The following ZNF362 variants were observed in gnomAD, a reference collection of about 807,000 sequenced individuals.
ZNF362 encodes zinc finger protein 362.
ZNF362 carries 11 observed loss-of-function variants against 42.9 expected under a neutral mutation model. The observed-to-expected ratio is 0.26, with a 90% CI of 0.16 to 0.42. ZNF362 has a LOEUF of 0.42. ZNF362 is among the 20% of genes least tolerant of loss of function. The pLI, the probability that ZNF362 is intolerant of heterozygous loss-of-function variation, is 1.00. For missense variants in ZNF362, 362 were observed against 576.2 expected (o/e 0.63, Z 3.81); for synonymous variants, 255 against 257.3 (o/e 0.99, Z 0.09).
At chr1:33,202,133 C>T in the ZNF362 span, among the ~76,000 whole-genome samples, 1 of 152,328 alleles carries the variant, frequency 6.6e-6, no homozygotes, top group East Asian at 1.9e-4. Flanking sequence ...AAAAGCCTTT[C>T]CATAAATAAA....
the ZNF362 span, among the ~76,000 whole-genome samples, chr1:33,137,459 C>T: frequency 3.6e-3 from 543 of 152,248 alleles, 5 homozygotes; most frequent in African/African-American, 0.012. Flanking sequence ...AATCATGAGG[C>T]GTACAGGGAC....
chr1:33,159,788 G>A, the ZNF362 span: 1 of 1,613,840 alleles, frequency 6.2e-7, no homozygotes, highest in South Asian at 1.1e-5. This position sits in a 1 kb window ranked among gnomAD's most constrained non-coding sequence, Gnocchi z 4.2. Flanking sequence ...TTGCGCAGCT[G>A]CTGGCTGTAG....
chr1:33,180,974 C>T, the ZNF362 span: 1 of 574,542 alleles, frequency 1.7e-6, no homozygotes, highest in Non-Finnish European at 2.9e-6. Context: ...CCCGCCCGGC[C>T]CCACCTCCAG....
At chr1:33,178,084 T>G in the ZNF362 span, among the ~76,000 whole-genome samples, 1 of 152,152 alleles carries the variant, frequency 6.6e-6, no homozygotes, top group Non-Finnish European at 1.5e-5. Context: ...AGGTAGGGTG[T>G]TGGGAGACTC....
At chr1:33,176,680 T>C in the ZNF362 span, 1 of 409,658 alleles carries the variant, frequency 2.4e-6, no homozygotes. Flanking sequence ...TGGGAGACAA[T>C]TACCCAGCCC....
the ZNF362 span, among the ~76,000 whole-genome samples, chr1:33,136,118 CCTTCCTT>C: frequency 3.0e-5 from 1 of 33,070 alleles, no homozygotes; most frequent in South Asian, 1.8e-3. Flanking sequence ...GCCAGCCCTT[CCTTCCTT>C]CCTTCCTTCC....
At chr1:33,218,196 T>G in the ZNF362 span, among the ~76,000 whole-genome samples, 37 of 152,276 alleles carry the variant, frequency 2.4e-4, no homozygotes, top group African/African-American at 7.9e-4. Context: ...AATCCAGCAC[T>G]TTGGAAGGCC....
chr1:33,129,258 C>T, the ZNF362 span, among the ~76,000 whole-genome samples: 1 of 152,176 alleles, frequency 6.6e-6, no homozygotes, highest in East Asian at 1.9e-4. The surrounding 1 kb of genome is among the most constrained non-coding windows in gnomAD (Gnocchi z 4.1). Context: ...GTTAAAGTTA[C>T]TTATGGGTTG....
chr1:33,276,303 G>T, intron 3 of ZNF362, 45 bp from the exon 4 acceptor site: 1 of 1,539,358 alleles, frequency 6.5e-7, no homozygotes. Flanking sequence ...GGCAAGGGGC[G>T]GGAGGTGGTC....
chr1:33,298,885 C>A, intron 8 of ZNF362, 45 bp from the exon 9 acceptor site: 1 of 1,546,758 alleles, frequency 6.5e-7, no homozygotes, highest in Non-Finnish European at 8.9e-7. Flanking sequence ...TCTTCTCCCT[C>A]CCTTGCTGGT....
At chr1:33,261,999 TGGG>T (rs1313888024) in intron 1 of ZNF362, among the ~76,000 whole-genome samples, 1 of 152,096 alleles carries the variant, frequency 6.6e-6, no homozygotes, top group East Asian at 1.9e-4. Flanking sequence ...GCCTGGCACT[TGGG>T]GGGAGATTGA....
chr1:33,149,610 A>G, the ZNF362 span, among the ~76,000 whole-genome samples: 1 of 151,002 alleles, frequency 6.6e-6, no homozygotes, highest in Non-Finnish European at 1.5e-5. Flanking sequence ...ATGCATCACT[A>G]TGCGCAGCTA....
upstream of ZNF362, among the ~76,000 whole-genome samples, chr1:33,252,639 G>A (rs1406303406): frequency 6.6e-6 from 1 of 152,186 alleles, no homozygotes; most frequent in Non-Finnish European, 1.5e-5. Flanking sequence ...CAGAGCTGGG[G>A]TCTTCCTCAC....
chr1:33,251,037 G>A, the ZNF362 span, among the ~76,000 whole-genome samples: 2 of 152,160 alleles, frequency 1.3e-5, no homozygotes, highest in Non-Finnish European at 2.9e-5. Context: ...GAGAGGAGCT[G>A]AAAGAAGTAT....
the ZNF362 span, chr1:33,142,990 T>G: frequency 6.6e-6 from 1 of 152,204 alleles, no homozygotes; most frequent in Non-Finnish European, 1.5e-5. Context: ...AAATGGGGGC[T>G]CCAAATGGGG....
At chr1:33,198,181 A>T in the ZNF362 span, among the ~76,000 whole-genome samples, 1 of 152,212 alleles carries the variant, frequency 6.6e-6, no homozygotes, top group Admixed American at 6.5e-5. Context: ...TTACCAGGCA[A>T]GTGAAAGTGC....
At chr1:33,246,310 C>T in the ZNF362 span, among the ~76,000 whole-genome samples, 2 of 152,150 alleles carry the variant, frequency 1.3e-5, no homozygotes, top group Non-Finnish European at 2.9e-5. Flanking sequence ...CATGGGATGT[C>T]TGTTCTCTTG....
the ZNF362 span, among the ~76,000 whole-genome samples, chr1:33,238,268 G>C: frequency 6.6e-6 from 1 of 150,598 alleles, no homozygotes. Context: ...GCAGTGAGCT[G>C]AGATCGCACC....
At position 33,280,188 on chromosome 1, in the gene ZNF362, G is replaced by A. The variant is rs780087741; in HGVS notation, c.414G>A (p.Thr138=). The change falls in exon 5 of 9, where the codon ACG becomes ACA. Residue 138 remains threonine (T), a synonymous_variant. Coordinates refer to ENST00000539719, the MANE Select transcript of ZNF362 (RefSeq NM_152493.3). This position sits in a 1 kb window ranked among gnomAD's most constrained non-coding sequence, Gnocchi z 5.6. ...CTGAGTCAAGCGCGGGCGCGGGCACGGGCACGGGTACCAGCACCCCGTCCA... is the reference window on the plus strand; with the variant it reads ...CTGAGTCAAGCGCGGGCGCGGGCACAGGCACGGGTACCAGCACCCCGTCCA... ...STSESSAGAG[T]GTGTSTPSTP... The A allele has an allele frequency of 1.1e-5, 17 of 1,612,742 alleles. No individual in the cohort carries two copies. The highest frequency in any genetic ancestry group is 1.4e-5 in the Non-Finnish European group (17 of 1,179,192).
Sources: allele counts gnomAD v4.1 joint callset (sites outside exome capture counted in the v4.1 genomes callset), GRCh38; gene constraint gnomAD v4.1.1; non-coding constraint Gnocchi (gnomAD v3.1); transcripts MANE v1.5; gene names NCBI Gene and HGNC (gene_info 2026-07-23, HGNC 2026-07-21).